WASHC2C: variants seen among roughly 807,000 people sequenced by gnomAD.
WASHC2C encodes the protein Vaccinia Penetration Factor.
In WASHC2C, 73 loss-of-function variants were observed where a neutral mutation model predicts 142.2. That is an observed-to-expected ratio of 0.51 (90% CI 0.43 to 0.62). The LOEUF is 0.62. WASHC2C is among the 20% of genes least tolerant of loss of function. The probability of loss-of-function intolerance (pLI) is 0.00; values close to 1 mark genes in which losing one functional copy is unlikely to be tolerated. For missense variants in WASHC2C, 969 were observed against 1,531.7 expected, an observed-to-expected ratio of 0.63 and a Z score of 6.13; for synonymous variants, 337 against 565.5, an observed-to-expected ratio of 0.60 and a Z score of 5.73.
At chr10:45,764,669 C>T (rs1399038592) in intron 18 of WASHC2C, among the ~76,000 whole-genome samples, 1 of 152,188 alleles carries the variant, frequency 6.6e-6, no homozygotes, top group Admixed American at 6.5e-5. Context: ...CCCCTGGGTT[C>T]ATATCCCAGC....
intron 17 of WASHC2C, among the ~76,000 whole-genome samples, chr10:45,760,867 G>T (rs560095916): frequency 6.7e-6 from 1 of 150,348 alleles, no homozygotes; most frequent in South Asian, 2.1e-4. Flanking sequence ...TACGTGCCAT[G>T]AGGGCAGGAC....
intron 19 of WASHC2C, among the ~76,000 whole-genome samples, chr10:45,768,352 A>C (rs1554883285): frequency 6.6e-6 from 1 of 151,538 alleles, no homozygotes; most frequent in African/African-American, 2.4e-5. Flanking sequence ...GAGTTTTGTG[A>C]TACTCTCTAG....
chr10:45,731,793 C>CTTTTTT (rs782728565), intron 3 of WASHC2C, among the ~76,000 whole-genome samples: 3 of 109,848 alleles, frequency 2.7e-5, no homozygotes, highest in Non-Finnish European at 3.5e-5. Flanking sequence ...AGTGATCTGG[C>CTTTTTT]TTTTTTTTTT....
At chr10:45,781,245 G>A (rs1406024157) in intron 23 of WASHC2C, among the ~76,000 whole-genome samples, 1 of 152,212 alleles carries the variant, frequency 6.6e-6, no homozygotes, top group Non-Finnish European at 1.5e-5. Flanking sequence ...AAGACATCTT[G>A]TGTTTATGGA....
intron 13 of WASHC2C, among the ~76,000 whole-genome samples, chr10:45,753,858 A>T (rs1589721888): frequency 1.3e-5 from 2 of 151,576 alleles, no homozygotes; most frequent in South Asian, 4.2e-4. Context: ...TTAACCTACA[A>T]ATGTTACTCA....
intron 15 of WASHC2C, among the ~76,000 whole-genome samples, chr10:45,755,510 C>A (rs2054154474): frequency 6.6e-6 from 1 of 152,292 alleles, no homozygotes; most frequent in African/African-American, 2.4e-5. Flanking sequence ...CATTTCTCTG[C>A]CAAAAAGCTC....
chr10:45,776,383 A>G (rs1484648017), intron 21 of WASHC2C, among the ~76,000 whole-genome samples: 7 of 151,894 alleles, frequency 4.6e-5, no homozygotes, highest in Admixed American at 6.6e-5. Context: ...GAATTCCAGG[A>G]AAGTCACAAA....
rs782634188 is a variant in WASHC2C at position 45,737,944 on chromosome 10, G to A, written c.292-39G>A. 9.9e-6 allele frequency: 16 copies of A among 1,611,526 alleles called. No individual in the cohort carries two copies. The African/African-American group carries it at 1.3e-4, about 13-fold the overall frequency. Reference sequence around the variant, plus strand: ...TATATTGTGATTTATTTCCAATGACGTGTTGACCTTTTAACATTGAGTTTG... The same window carrying A: ...TATATTGTGATTTATTTCCAATGACATGTTGACCTTTTAACATTGAGTTTG... On this transcript the variant is annotated intron_variant, in intron 3 of 30. Transcript: ENST00000623400.
rs782177040 is a variant in WASHC2C at position 45,785,547 on chromosome 10, T to C, written c.2727T>C (p.Ser909=). ...EKKRVVKKDH[S]VNSFKNQKHP... ...AGAGAGTAGTGAAAAAAGACCACTC[T>C]GTTAACTCTTTCAAAAACCAGAAAC... Residue 909 remains serine (S), a synonymous_variant, in exon 26 of 31, where the codon TCT becomes TCC. Coordinates refer to ENST00000623400, the MANE Select transcript of WASHC2C (RefSeq NM_001330074.2). 4 of 1,613,876 alleles carry C rather than the reference T, an allele frequency of 2.5e-6. No individual in the cohort carries two copies. The highest frequency in any genetic ancestry group is 2.7e-5 in the African/African-American group (2 of 74,912).
chr10:45,791,161 C>A (rs1230268989), intron 30 of WASHC2C, among the ~76,000 whole-genome samples: 1 of 152,158 alleles, frequency 6.6e-6, no homozygotes, highest in Non-Finnish European at 1.5e-5. Context: ...CTACTCCCCC[C>A]GTCAATCTAG....
chr10:45,765,327 C>T (rs1285280919), intron 18 of WASHC2C, among the ~76,000 whole-genome samples: 6 of 151,222 alleles, frequency 4.0e-5, no homozygotes, highest in Admixed American at 3.3e-4. Context: ...CGGGGGCTCC[C>T]GTGCCCATCG....
At chr10:45,730,662 C>T (rs2050455938) in intron 3 of WASHC2C, among the ~76,000 whole-genome samples, 1 of 150,698 alleles carries the variant, frequency 6.6e-6, no homozygotes, top group Non-Finnish European at 1.5e-5. Context: ...CTCTGTCACC[C>T]AGGCTGGAGT....
intron 23 of WASHC2C, among the ~76,000 whole-genome samples, chr10:45,779,425 G>T (rs2057332269): frequency 6.6e-6 from 1 of 151,980 alleles, no homozygotes. Flanking sequence ...GATGTAAACA[G>T]CAGGAAAGGG....
chr10:45,728,787 G>A, intron 2 of WASHC2C, 75 bp from the exon 3 acceptor site: 1 of 1,509,236 alleles, frequency 6.6e-7, no homozygotes, highest in South Asian at 1.3e-5. Context: ...AAAGGAAATG[G>A]GTTCTTTTTT....
intron 23 of WASHC2C, among the ~76,000 whole-genome samples, chr10:45,784,275 TATATATATATATATACAC>T (rs1269695065): frequency 0.019 from 136 of 7,296 alleles, 3 homozygotes; most frequent in Admixed American, 0.063. Context: ...TATATATATA[TATATATATATATATACAC>T]ATATATATAT....
intron 19 of WASHC2C, among the ~76,000 whole-genome samples, 183 bp downstream of exon 19, chr10:45,765,993 C>G (rs1554882234): frequency 6.6e-6 from 1 of 152,176 alleles, no homozygotes; most frequent in East Asian, 1.9e-4. Context: ...AAAGATGAAT[C>G]TCTTCAAAAT....
rs1300294151 is a variant in WASHC2C, at chr10:45,765,746, A to C, written c.1805A>C (p.Lys602Thr). 3 of 1,612,024 alleles carry C rather than the reference A, an allele frequency of 1.9e-6. No homozygotes were observed. The highest frequency in any genetic ancestry group is 2.5e-6 in the Non-Finnish European group (3 of 1,179,870). ...TLSLQAQREEKAKASELSKKK... is the reference protein window; with the variant it reads ...TLSLQAQREETAKASELSKKK... Reference sequence around the variant, plus strand: ...TCTCTACAAGCTCAGAGAGAAGAGAAAGCAAAAGCCTCCGAGCTCTCCAAA... The same window carrying C: ...TCTCTACAAGCTCAGAGAGAAGAGACAGCAAAAGCCTCCGAGCTCTCCAAA... Residue 602 changes from lysine (K) to threonine (T), a missense_variant, in exon 19 of 31, where the codon AAA (lysine) becomes ACA (threonine). Physicochemically the swap from Lys to Thr is moderately conservative, Grantham distance 78. Transcript: ENST00000623400.
chr10:45,734,157 A>G (rs1554863508), intron 3 of WASHC2C, among the ~76,000 whole-genome samples: 5 of 152,154 alleles, frequency 3.3e-5, no homozygotes. Context: ...CCCGGGAGGC[A>G]GAGCTTGCAG....
At position 45,754,553 on chromosome 10, in the gene WASHC2C, A is replaced by G; in HGVS notation, c.1240+8A>G. 1 of 1,584,638 alleles carries G rather than the reference A, an allele frequency of 6.3e-7. No individual in the cohort carries two copies. On this transcript the variant is annotated splice_region_variant and intron_variant, in intron 14 of 30. Coordinates refer to ENST00000623400, the MANE Select transcript of WASHC2C (RefSeq NM_001330074.2). ...CTGTTTCTGTATTTTTAGGTAACATAACTTAGGTTTGTTTTCTAAAAACTA... is the reference window on the plus strand; with the variant it reads ...CTGTTTCTGTATTTTTAGGTAACATGACTTAGGTTTGTTTTCTAAAAACTA...
Sources: allele counts gnomAD v4.1 joint callset (sites outside exome capture counted in the v4.1 genomes callset), GRCh38; gene constraint gnomAD v4.1.1; transcripts MANE v1.5; gene names NCBI Gene and HGNC (gene_info 2026-07-23, HGNC 2026-07-21).